Variants in E2F6 observed in about 807,000 individuals in gnomAD.
E2F6 encodes the protein transcription factor E2F6.
A neutral mutation model predicts 31.5 loss-of-function variants in E2F6; 19 were observed. The ratio of observed to expected loss-of-function variants is 0.60; its 90% CI spans 0.42 to 0.89. The LOEUF is 0.89. Ranked by LOEUF, E2F6 falls within the 40% of genes least tolerant of loss-of-function variation. The pLI, the probability that E2F6 is intolerant of heterozygous loss-of-function variation, is 0.00. For synonymous variants in E2F6, 121 were observed against 127.7 expected (o/e 0.95, Z 0.36); for missense variants, 269 against 341.6 (o/e 0.79, Z 1.67).
chr2:11,449,674 A>T (rs1670937992), intron 5 of E2F6, among the ~76,000 whole-genome samples: 1 of 152,218 alleles, frequency 6.6e-6, no homozygotes, highest in Non-Finnish European at 1.5e-5. Context: ...TACTTTTGCA[A>T]CTTTAAGATG....
chr2:11,449,356 G>C, intron 5 of E2F6, among the ~76,000 whole-genome samples: 1 of 152,296 alleles, frequency 6.6e-6, no homozygotes, highest in African/African-American at 2.4e-5. Flanking sequence ...GGGCAATGCA[G>C]AGGGCTGCAC....
At chr2:11,446,763 T>C (rs1670741692) in intron 6 of E2F6, among the ~76,000 whole-genome samples, 1 of 152,218 alleles carries the variant, frequency 6.6e-6, no homozygotes, top group African/African-American at 2.4e-5. Context: ...AAACCTTCCC[T>C]TATTAGGGCT....
chr2:11,447,070 C>T (rs1041513275), intron 6 of E2F6, among the ~76,000 whole-genome samples: 1 of 152,168 alleles, frequency 6.6e-6, no homozygotes, highest in Admixed American at 6.5e-5. Context: ...ATGCTGGTCC[C>T]CTGCTCAGGC....
chr2:11,464,425 GA>G (rs1671999006), intron 1 of E2F6, among the ~76,000 whole-genome samples: 1 of 148,022 alleles, frequency 6.8e-6, no homozygotes, highest in Non-Finnish European at 1.5e-5. Flanking sequence ...GCTGAGGCAG[GA>G]AAATGGCGTG....
chr2:11,455,491 C>T (rs778582384), intron 2 of E2F6: 17 of 1,290,926 alleles, frequency 1.3e-5, no homozygotes, highest in African/African-American at 9.2e-5. Context: ...ATTAAATAGG[C>T]GTAAATTAGG....
At chr2:11,450,367 T>C (rs540442394) in intron 4 of E2F6, among the ~76,000 whole-genome samples, 2 of 152,316 alleles carry the variant, frequency 1.3e-5, no homozygotes, top group South Asian at 4.1e-4. Flanking sequence ...AAAGAGTTTC[T>C]TTAAGCTCTA....
intron 1 of E2F6, among the ~76,000 whole-genome samples, chr2:11,458,748 A>G (rs1671574337): frequency 6.6e-6 from 1 of 152,246 alleles, no homozygotes; most frequent in African/African-American, 2.4e-5. Flanking sequence ...CTATGACAAG[A>G]TGATAGCATC....
At chr2:11,465,656 TG>T in intron 1 of E2F6, 115 bp downstream of exon 1, 2 of 1,037,934 alleles carry the variant, frequency 1.9e-6, no homozygotes, top group Non-Finnish European at 2.9e-6. Flanking sequence ...GGGCAGCGCC[TG>T]GCCCAGGGGG....
Position 11,459,866 on chromosome 2 carries a change from G to A in E2F6, c.109-2633C>T, listed in dbSNP as rs141068933. 3.9e-3 allele frequency among the ~76,000 whole-genome samples: 586 copies of A among 150,148 alleles called. 6 individuals are homozygous for A. Among genetic ancestry groups the A allele is most frequent in the African/African-American group, 0.014 (563 of 41,396 alleles). The stretch of plus-strand genomic sequence containing the variant: ...GCCATTGCACTCCAGCCCAGATGAC[G>A]GTGCGAGACTCCGTCTCAAAAAAAA... On this transcript the variant is annotated intron_variant, in intron 1 of 6. Coordinates refer to ENST00000381525, the MANE Select transcript of E2F6 (RefSeq NM_198256.4).
intron 1 of E2F6, among the ~76,000 whole-genome samples, chr2:11,459,363 C>CCTCA (rs1671619937): frequency 6.6e-6 from 1 of 152,150 alleles, no homozygotes; most frequent in Non-Finnish European, 1.5e-5. Context: ...AGAAATAACA[C>CCTCA]CTCAGTTAGG....
At chr2:11,461,000 A>G (rs1463732179) in intron 1 of E2F6, among the ~76,000 whole-genome samples, 1 of 151,632 alleles carries the variant, frequency 6.6e-6, no homozygotes, top group Non-Finnish European at 1.5e-5. Flanking sequence ...GTCTGCTGGG[A>G]CTTGGGTCTA....
intron 2 of E2F6, among the ~76,000 whole-genome samples, chr2:11,454,352 C>CT (rs535824786): frequency 0.024 from 3,412 of 140,490 alleles, 43 homozygotes; most frequent in Middle Eastern, 0.054. Context: ...GTATCTCTCT[C>CT]TTTTTTTTTT....
intron 1 of E2F6, among the ~76,000 whole-genome samples, chr2:11,462,453 C>T (rs549536697): frequency 3.9e-5 from 6 of 152,230 alleles, no homozygotes; most frequent in Non-Finnish European, 8.8e-5. Flanking sequence ...TGGTCTCTCT[C>T]TCAAAATATC....
At chr2:11,459,735 T>C (rs1358619904) in intron 1 of E2F6, among the ~76,000 whole-genome samples, 1 of 151,862 alleles carries the variant, frequency 6.6e-6, no homozygotes, top group African/African-American at 2.4e-5. Flanking sequence ...ATACAAAAAA[T>C]TAGCTGGGGG....
rs775635341 is a variant in E2F6 at position 11,447,619 on chromosome 2, A to G, written c.799+8T>C. 5.6e-6 allele frequency: 9 copies of G among 1,611,418 alleles called. No homozygotes were observed. The Admixed American group carries it at 1.0e-4, about 18-fold the overall frequency. On this transcript the variant is annotated splice_region_variant and intron_variant, in intron 6 of 6. Transcript: ENST00000381525. ...TTAAAATACTGTCAGAATCACTGGTATATTTACCTTCCTCAGGGCCTTCTG... is the reference window on the plus strand; with the variant it reads ...TTAAAATACTGTCAGAATCACTGGTGTATTTACCTTCCTCAGGGCCTTCTG...
At position 11,444,507 on chromosome 2, in the gene E2F6, A is replaced by T. The variant is rs1572481046; in HGVS notation, c.*1970T>A. 6.6e-6 allele frequency: 1 copy of T among 152,132 alleles called. No individual in the cohort carries two copies. The highest frequency in any genetic ancestry group is 6.5e-5 in the Admixed American group (1 of 15,272). 9.4% of individuals were successfully genotyped at this position (152,132 alleles called of 1,614,324 possible). A position where few individuals can be genotyped will look rare whatever the true frequency, so the allele number is the denominator to read the frequency against. On this transcript the variant is annotated 3_prime_UTR_variant, in exon 7 of 7. Coordinates refer to ENST00000381525, the MANE Select transcript of E2F6 (RefSeq NM_198256.4). ...ATTTGCCACATTCACAAGTTAAGGA[A>T]CTGCTGCTCAGAAATGATGGTATTA...
Position 11,453,793 on chromosome 2 carries a change from G to C in E2F6, c.169C>G (p.Leu57Val), listed in dbSNP as rs1671222261. 1 of 1,608,584 alleles carries C rather than the reference G, an allele frequency of 6.2e-7. No homozygotes were observed. The highest frequency in any genetic ancestry group is 1.3e-5 in the African/African-American group (1 of 74,592). Residue 57 changes from leucine to valine, a missense_variant, in exon 3 of 7, where the codon CTA becomes GTA. Transcript: ENST00000381525. ...TCAAAACGAGGTCTCTTCACTTTTA[G>C]AGCTTCTGGGAAACAAAATAAACAT... is the stretch of plus-strand genomic sequence containing the variant. The part of the protein sequence containing the change: ...NVQYVSMRKA[L>V]KVKRPRFDVS...
chr2:11,461,986 CATAT>C (rs1671808148), intron 1 of E2F6, among the ~76,000 whole-genome samples: 2 of 152,202 alleles, frequency 1.3e-5, no homozygotes, highest in East Asian at 3.8e-4. Flanking sequence ...ATTTATTTTG[CATAT>C]CTATAAACAG....
intron 1 of E2F6, among the ~76,000 whole-genome samples, 172 bp downstream of exon 1, chr2:11,465,600 G>A (rs1672121250): frequency 1.3e-5 from 2 of 152,272 alleles, no homozygotes; most frequent in Non-Finnish European, 2.9e-5. Flanking sequence ...TCTGTGAGCA[G>A]ATGCTGAAAG....
Sources: allele counts gnomAD v4.1 joint callset (sites outside exome capture counted in the v4.1 genomes callset), GRCh38; gene constraint gnomAD v4.1.1; transcripts MANE v1.5; gene names NCBI Gene and HGNC (gene_info 2026-07-23, HGNC 2026-07-21).